Variants in EDIL3 observed in about 807,000 individuals in gnomAD.
EDIL3 encodes the protein EGF like and discoidin domains 3, also known as EGF-like repeat and discoidin I-like domain-containing protein 3.
In EDIL3, 37 loss-of-function variants were observed where a neutral mutation model predicts 67.4. The ratio of observed to expected loss-of-function variants is 0.55; its 90% CI spans 0.42 to 0.72. The LOEUF is 0.72. Among genes scored for constraint, EDIL3 ranks in the 30% least tolerant of loss-of-function variants. The pLI is 0.00. For missense variants in EDIL3, 527 were observed against 586.3 expected, an observed-to-expected ratio of 0.90 and a Z score of 1.04; for synonymous variants, 195 against 196.3, an observed-to-expected ratio of 0.99 and a Z score of 0.05.
intron 1 of EDIL3, among the ~76,000 whole-genome samples, chr5:84,334,873 A>G (rs751267737): frequency 2.0e-5 from 3 of 152,162 alleles, no homozygotes; most frequent in Non-Finnish European, 2.9e-5. Flanking sequence ...TTGTGCTATA[A>G]AATTTTAAAC....
At chr5:83,958,998 A>C (rs1243711823) in intron 10 of EDIL3, among the ~76,000 whole-genome samples, 1 of 151,212 alleles carries the variant, frequency 6.6e-6, no homozygotes, top group Non-Finnish European at 1.5e-5. Context: ...CAATTACAAG[A>C]GATTTAATGT....
intron 1 of EDIL3, among the ~76,000 whole-genome samples, chr5:84,329,622 G>T (rs1348800659): frequency 6.6e-6 from 1 of 151,904 alleles, no homozygotes; most frequent in Non-Finnish European, 1.5e-5. Context: ...ATATTTCGTT[G>T]CTATGTCAAA....
chr5:84,305,845 C>A (rs1746255589), intron 1 of EDIL3, among the ~76,000 whole-genome samples: 1 of 151,814 alleles, frequency 6.6e-6, no homozygotes, highest in Non-Finnish European at 1.5e-5. Flanking sequence ...TGCCATTGCA[C>A]TCCAGCCTGA....
chr5:84,080,500 T>C (rs1746945264), intron 6 of EDIL3, among the ~76,000 whole-genome samples: 1 of 152,078 alleles, frequency 6.6e-6, no homozygotes, highest in African/African-American at 2.4e-5. Context: ...TGCAGATTAA[T>C]TGCACGCTCA....
chr5:83,994,164 G>A lies in EDIL3; in HGVS notation c.1138-30804C>T, dbSNP rs551901441. Reference sequence around the variant, plus strand: ...TTACGCTTCCTTTATGATGCAAACAGTTCTAAGATCCTCCCATAAAGCTAG... The same window carrying A: ...TTACGCTTCCTTTATGATGCAAACAATTCTAAGATCCTCCCATAAAGCTAG... On this transcript the variant is annotated intron_variant, in intron 9 of 10. Coordinates refer to ENST00000296591, the MANE Select transcript of EDIL3 (RefSeq NM_005711.5). Among the ~76,000 whole-genome samples, 7 of 152,226 alleles carry A rather than the reference G, an allele frequency of 4.6e-5. No individual in the cohort carries two copies. The South Asian group carries it at 1.4e-3, about 32-fold the overall frequency.
intron 9 of EDIL3, among the ~76,000 whole-genome samples, chr5:84,022,620 G>A (rs1428047922): frequency 6.6e-6 from 1 of 151,750 alleles, no homozygotes; most frequent in African/African-American, 2.4e-5. Flanking sequence ...AGGTCATGAT[G>A]TCAAGTGAAA....
intron 1 of EDIL3, among the ~76,000 whole-genome samples, chr5:84,354,748 T>G (rs1747442745): frequency 6.6e-6 from 1 of 152,060 alleles, no homozygotes; most frequent in Non-Finnish European, 1.5e-5. Context: ...ATAACTGAAA[T>G]ATATTCAAGA....
intron 9 of EDIL3, among the ~76,000 whole-genome samples, chr5:83,986,678 T>C (rs530662875): frequency 2.6e-5 from 4 of 152,138 alleles, no homozygotes; most frequent in African/African-American, 9.6e-5. Flanking sequence ...AGCACAGAGG[T>C]GGGTCCCCTG....
At chr5:84,234,234 T>C (rs528030408) in intron 2 of EDIL3, among the ~76,000 whole-genome samples, 89 of 152,296 alleles carry the variant, frequency 5.8e-4, no homozygotes, top group African/African-American at 2.0e-3. Flanking sequence ...CACCATGCTT[T>C]GATACAATAA....
rs1746865060 is a variant in EDIL3 at position 84,076,764 on chromosome 5, T to C, written c.652-10158A>G. Reference sequence around the variant, plus strand: ...AGCTGTTTTCATTGATGTGGCAGGATTGCTGTATTCATTTTCAAGACAATA... The same window carrying C: ...AGCTGTTTTCATTGATGTGGCAGGACTGCTGTATTCATTTTCAAGACAATA... On this transcript the variant is annotated intron_variant, in intron 6 of 10. Transcript: ENST00000296591. Among the ~76,000 whole-genome samples, 4 of 152,188 alleles carry C rather than the reference T, an allele frequency of 2.6e-5. No individual in the cohort carries two copies. The South Asian group carries it at 8.3e-4, about 32-fold the overall frequency.
At chr5:84,212,421 C>T (rs1007887758) in intron 3 of EDIL3, among the ~76,000 whole-genome samples, 28 of 152,308 alleles carry the variant, frequency 1.8e-4, no homozygotes, top group African/African-American at 6.3e-4. Context: ...ACTGCTTCTC[C>T]AACCTCTGTT....
chr5:84,128,323 G>A (rs774360402), intron 5 of EDIL3, among the ~76,000 whole-genome samples: 3 of 151,996 alleles, frequency 2.0e-5, no homozygotes, highest in Non-Finnish European at 4.4e-5. Context: ...GTTTGTCTCT[G>A]CTTTTATCAG....
intron 3 of EDIL3, among the ~76,000 whole-genome samples, chr5:84,189,425 C>T (rs1396327538): frequency 6.6e-6 from 1 of 151,916 alleles, no homozygotes; most frequent in African/African-American, 2.4e-5. Context: ...ATATTAATTC[C>T]ACAATGACAG....
intron 9 of EDIL3, among the ~76,000 whole-genome samples, chr5:83,994,049 G>A (rs1443515899): frequency 6.6e-6 from 1 of 152,150 alleles, no homozygotes; most frequent in Non-Finnish European, 1.5e-5. Flanking sequence ...GAATGTCTTA[G>A]TAGTATGCTC....
chr5:83,957,622 AC>A, intron 10 of EDIL3, among the ~76,000 whole-genome samples: 1 of 151,616 alleles, frequency 6.6e-6, no homozygotes, highest in South Asian at 2.1e-4. Context: ...TATTTTTCAC[AC>A]CCATGTTGAG....
At chr5:83,963,424 T>A in intron 9 of EDIL3, 64 bp from the exon 10 acceptor site, 3 of 1,507,070 alleles carry the variant, frequency 2.0e-6, no homozygotes, top group Non-Finnish European at 2.7e-6. Context: ...CCAAGTCTTT[T>A]GATGTCAAGA....
intron 3 of EDIL3, among the ~76,000 whole-genome samples, chr5:84,198,458 A>G (rs553371789): frequency 6.6e-6 from 1 of 152,220 alleles, no homozygotes; most frequent in South Asian, 2.1e-4. Context: ...ATATGCCTAT[A>G]TACATTATCT....
intron 3 of EDIL3, among the ~76,000 whole-genome samples, chr5:84,204,827 A>G (rs75229438): frequency 0.018 from 2,635 of 150,030 alleles, 93 homozygotes; most frequent in African/African-American, 0.061. Flanking sequence ...AAAAAAGGCC[A>G]CATGACCTAA....
intron 3 of EDIL3, among the ~76,000 whole-genome samples, chr5:84,191,749 T>G (rs575090584): frequency 6.6e-6 from 1 of 152,080 alleles, no homozygotes; most frequent in Non-Finnish European, 1.5e-5. Context: ...ACAGCAAAAT[T>G]GACACAAAAC....
Sources: gnomAD v4.1 joint callset for allele counts (sites outside exome capture counted in the v4.1 genomes callset) on GRCh38, gnomAD v4.1.1 for gene constraint, MANE v1.5 for transcripts, NCBI Gene and HGNC (gene_info 2026-07-23, HGNC 2026-07-21) for gene names.